Variants in RHEX observed in about 807,000 individuals in gnomAD.
RHEX encodes regulator of hemoglobinization and erythroid cell expansion, also known as regulator of hemoglobinization and erythroid cell expansion protein.
In RHEX, 18 loss-of-function variants were observed where a neutral mutation model predicts 20.1. The observed-to-expected ratio is 0.90, with a 90% confidence interval of 0.62 to 1.33. RHEX has a LOEUF of 1.33. Ranked by LOEUF, RHEX falls within the 40% of genes most tolerant of loss-of-function variation. The pLI is 0.00. For synonymous variants in RHEX, 87 were observed against 77.1 expected, an observed-to-expected ratio of 1.13 and a Z score of -0.67; for missense variants, 192 against 214.3, an observed-to-expected ratio of 0.90 and a Z score of 0.65.
intron 1 of RHEX, among the ~76,000 whole-genome samples, chr1:206,070,587 T>C: frequency 6.6e-6 from 1 of 152,326 alleles, no homozygotes; most frequent in Non-Finnish European, 1.5e-5. Context: ...GCTCTCTTAA[T>C]GTTTCTACTG....
intron 1 of RHEX, among the ~76,000 whole-genome samples, chr1:206,075,267 T>G (rs1410737593): frequency 6.6e-6 from 1 of 152,194 alleles, no homozygotes; most frequent in African/African-American, 2.4e-5. Context: ...AGTCCTGTGC[T>G]GAATATGATG....
rs1417996895 is a variant in RHEX, at chr1:206,097,678, A to G, written c.-96-55A>G. ...ATCCTCAAGTAGCTGAGTTTGCCCA[A>G]GGGAAATTTGTATAAAGAGCCCTGG... is the stretch of plus-strand genomic sequence containing the variant. On this transcript the variant is annotated intron_variant, in intron 1 of 5. Transcript: ENST00000331555. 103 of 1,180,472 alleles carry G rather than the reference A, an allele frequency of 8.7e-5. No individual in the cohort carries two copies. The East Asian group carries it at 2.5e-3, about 29-fold the overall frequency. The allele number at this position is 1,180,472 out of a possible 1,614,324, so 73.1% of individuals were successfully genotyped here. A position where few individuals can be genotyped will look rare whatever the true frequency, so the allele number is the denominator to read the frequency against.
chr1:206,095,259 C>G (rs1314867181), intron 1 of RHEX, among the ~76,000 whole-genome samples: 1 of 152,136 alleles, frequency 6.6e-6, no homozygotes, highest in Non-Finnish European at 1.5e-5. Context: ...CATACAAATT[C>G]AAATCACTAA....
At chr1:206,094,299 A>G (rs910774365) in intron 1 of RHEX, among the ~76,000 whole-genome samples, 48 of 152,150 alleles carry the variant, frequency 3.2e-4, no homozygotes, top group Non-Finnish European at 5.9e-5. Flanking sequence ...GTTAGGGGCC[A>G]TTAGCCACTT....
intron 1 of RHEX, among the ~76,000 whole-genome samples, chr1:206,081,465 C>A (rs1553285898): frequency 6.6e-6 from 1 of 152,084 alleles, no homozygotes; most frequent in African/African-American, 2.4e-5. Flanking sequence ...AAAATGTAGT[C>A]CAGAGGGGAT....
rs76290672 is a variant in RHEX at position 206,067,199 on chromosome 1, T to A, written c.-97+13934T>A. Among the ~76,000 whole-genome samples the A allele has an allele frequency of 9.0e-3, 1,366 of 152,298 alleles. 17 individuals carry two copies. The highest frequency in any genetic ancestry group is 0.031 in the African/African-American group (1,269 of 41,546). On this transcript the variant is annotated intron_variant, in intron 1 of 5. Coordinates refer to ENST00000331555, the MANE Select transcript of RHEX (RefSeq NM_001007544.4). This position sits in a 1 kb window ranked among gnomAD's most constrained non-coding sequence, Gnocchi z 4.6. ...CCTATCTCATCAAAGCCAGGGAAACTTAAAGTTTTTCTGGGTGATCTGGGC... is the reference window on the plus strand; with the variant it reads ...CCTATCTCATCAAAGCCAGGGAAACATAAAGTTTTTCTGGGTGATCTGGGC...
chr1:206,095,824 A>T (rs891975670), intron 1 of RHEX, among the ~76,000 whole-genome samples: 1 of 150,714 alleles, frequency 6.6e-6, no homozygotes, highest in Non-Finnish European at 1.5e-5. Flanking sequence ...TCAAAAAAAA[A>T]GATTTGGGGT....
At chr1:206,070,470 G>GA (rs112394727) in intron 1 of RHEX, among the ~76,000 whole-genome samples, 2,637 of 150,618 alleles carry the variant, frequency 0.018, 69 homozygotes, top group African/African-American at 0.06. Flanking sequence ...CATCCCCAAA[G>GA]AAAAAAAAAT....
intron 4 of RHEX, among the ~76,000 whole-genome samples, chr1:206,100,215 A>G (rs539678571): frequency 6.6e-6 from 1 of 152,286 alleles, no homozygotes; most frequent in Non-Finnish European, 1.5e-5. Context: ...GCTCCTCCAT[A>G]GTCCCTAGAG....
chr1:206,101,895 G>A lies in RHEX; in HGVS notation c.462G>A (p.Trp154Ter). 1 of 1,614,126 alleles carries A rather than the reference G, an allele frequency of 6.2e-7. No homozygotes were observed. The highest frequency in any genetic ancestry group is 1.1e-5 in the South Asian group (1 of 91,088). Residue 154 changes from tryptophan to a stop codon, truncating the protein, a stop_gained, in exon 6 of 6, where the codon TGG becomes TGA. Transcript: ENST00000331555. LOFTEE classifies it high-confidence loss of function. ...CAGAAAGACACAAGCCCAGTTTCTGGTATTTTGTCAACCCTGCTCTGTCTG... is the reference window on the plus strand; with the variant it reads ...CAGAAAGACACAAGCCCAGTTTCTGATATTTTGTCAACCCTGCTCTGTCTG... Reference protein sequence around the residue: ...VNPERHKPSFWYFVNPALSEP... With the variant: ...VNPERHKPSF
intron 1 of RHEX, among the ~76,000 whole-genome samples, chr1:206,058,242 C>T (rs1553282863): frequency 6.6e-6 from 1 of 152,236 alleles, no homozygotes; most frequent in African/African-American, 2.4e-5. Flanking sequence ...GCTTACTGCT[C>T]CCTTGTCTGA....
At chr1:206,079,259 T>G (rs1340953501) in intron 1 of RHEX, among the ~76,000 whole-genome samples, 4 of 152,232 alleles carry the variant, frequency 2.6e-5, no homozygotes, top group African/African-American at 9.7e-5. Flanking sequence ...GAAAAAGTGA[T>G]AATTCATTGC....
intron 4 of RHEX, among the ~76,000 whole-genome samples, chr1:206,100,352 G>T (rs1663163639): frequency 6.6e-6 from 1 of 152,204 alleles, no homozygotes; most frequent in Non-Finnish European, 1.5e-5. Flanking sequence ...CAGTGGAAGT[G>T]GCTGCTTTGG....
rs112456742 is a variant in RHEX, at chr1:206,059,466, T to G, written c.-97+6201T>G. Among the ~76,000 whole-genome samples, 556 of 152,276 alleles carry G rather than the reference T, an allele frequency of 3.7e-3. 4 individuals are homozygous for G. Among genetic ancestry groups the G allele is most frequent in the African/African-American group, 0.013 (521 of 41,560 alleles). ...CTAGTAAATTGCCTTAGTGATCCAA[T>G]GGGTTCCCCCCACCCCACCTTGGCC... On this transcript the variant is annotated intron_variant, in intron 1 of 5. Coordinates refer to ENST00000331555, the MANE Select transcript of RHEX (RefSeq NM_001007544.4).
intron 1 of RHEX, chr1:206,083,467 G>C (rs1259254179): frequency 1.0e-5 from 10 of 984,526 alleles, no homozygotes; most frequent in Non-Finnish European, 1.2e-5. Context: ...TGTACTCAAC[G>C]AGCGAGATTG....
intron 1 of RHEX, among the ~76,000 whole-genome samples, chr1:206,075,989 A>G (rs942935159): frequency 6.6e-6 from 1 of 152,180 alleles, no homozygotes; most frequent in South Asian, 2.1e-4. Context: ...GACAGCACTT[A>G]TAGGAATTAA....
At chr1:206,078,340 G>C (rs1662672908) in intron 1 of RHEX, among the ~76,000 whole-genome samples, 1 of 151,948 alleles carries the variant, frequency 6.6e-6, no homozygotes. Flanking sequence ...AGGACTTTGA[G>C]ACCAGCTTAG....
chr1:206,101,008 C>A (rs563861351), intron 4 of RHEX, 128 bp from the exon 5 acceptor site: 114 of 650,332 alleles, frequency 1.8e-4, no homozygotes, highest in Middle Eastern at 1.2e-3. Context: ...CCCTACCCCC[C>A]CTTTTTGTTG....
intron 3 of RHEX, chr1:206,098,557 G>A (rs1663125043): frequency 5.4e-6 from 1 of 186,816 alleles, no homozygotes; most frequent in Non-Finnish European, 1.1e-5. Context: ...TACAACAGAA[G>A]GAAATATGGT....
Sources: allele counts gnomAD v4.1 joint callset (sites outside exome capture counted in the v4.1 genomes callset), GRCh38; gene constraint gnomAD v4.1.1; non-coding constraint Gnocchi (gnomAD v3.1); transcripts MANE v1.5; gene names NCBI Gene and HGNC (gene_info 2026-07-23, HGNC 2026-07-21).